The following WDR27 variants were observed in gnomAD, a reference collection of about 807,000 sequenced individuals.
The protein encoded by WDR27 is WD repeat-containing protein 27.
WDR27 carries 100 observed loss-of-function variants against 114.4 expected under a neutral mutation model. The observed-to-expected ratio is 0.87, with a 90% CI of 0.74 to 1.03. The LOEUF (loss-of-function observed/expected upper bound fraction) is 1.03. WDR27 is among the 50% of genes least tolerant of loss of function. The pLI, the probability that WDR27 is intolerant of heterozygous loss-of-function variation, is 0.00. For synonymous variants in WDR27, 449 were observed against 423.1 expected (o/e 1.06, Z -0.75); for missense variants, 1,129 against 1,092.9 (o/e 1.03, Z -0.47).
Position 169,501,887 on chromosome 6 carries a change from A to T in WDR27, c.2646-44253T>A, listed in dbSNP as rs570025705. On this transcript the variant is annotated intron_variant, in intron 25 of 25. Transcript: ENST00000448612. ...TTCGTCAATGAAGCAAGACCTCCCTACATGCTTAGGTCTGAATCCAGCTAT... is the reference window on the plus strand; with the variant it reads ...TTCGTCAATGAAGCAAGACCTCCCTTCATGCTTAGGTCTGAATCCAGCTAT... Among the ~76,000 whole-genome samples, 11 of 152,320 alleles carry T rather than the reference A, an allele frequency of 7.2e-5. No homozygotes were observed. In the East Asian group the frequency reaches 2.1e-3, roughly 29 times the overall value.
chr6:169,601,561 A>C (rs1258117839), intron 23 of WDR27, among the ~76,000 whole-genome samples: 1 of 152,238 alleles, frequency 6.6e-6, no homozygotes, highest in Non-Finnish European at 1.5e-5. Context: ...AGCGATGAGA[A>C]AATAATAATC....
At chr6:169,667,220 T>G in intron 5 of WDR27, 33 bp from the exon 6 acceptor site, 1 of 1,467,022 alleles carries the variant, frequency 6.8e-7, no homozygotes, top group Non-Finnish European at 9.0e-7. Context: ...TTAGAAGAGG[T>G]AACAACGTTG....
chr6:169,462,255 G>A (rs1784995271), intron 25 of WDR27, among the ~76,000 whole-genome samples: 1 of 152,072 alleles, frequency 6.6e-6, no homozygotes, highest in South Asian at 2.1e-4. Context: ...GACCAACCTG[G>A]CCAACATGGT....
chr6:169,583,007 A>C, intron 23 of WDR27, 73 bp from the exon 24 acceptor site: 2 of 1,324,068 alleles, frequency 1.5e-6, no homozygotes, highest in Non-Finnish European at 2.1e-6. Context: ...GGCAGAGCAG[A>C]GGGACCATCT....
intron 22 of WDR27, among the ~76,000 whole-genome samples, chr6:169,606,263 A>G (rs1809164842): frequency 6.6e-6 from 1 of 152,194 alleles, no homozygotes; most frequent in Admixed American, 6.5e-5. Context: ...AACAAAAAAT[A>G]CCACAAATAA....
intron 25 of WDR27, among the ~76,000 whole-genome samples, chr6:169,546,809 T>G (rs892460858): frequency 6.6e-6 from 1 of 152,162 alleles, no homozygotes; most frequent in African/African-American, 2.4e-5. Flanking sequence ...ATAACTGTAC[T>G]AGGGGCGCTG....
intron 7 of WDR27, chr6:169,664,542 G>C: frequency 7.4e-7 from 1 of 1,345,102 alleles, no homozygotes; most frequent in Non-Finnish European, 9.6e-7. Flanking sequence ...TACTGTGCAG[G>C]CCTCCCCAAG....
chr6:169,638,322 C>CAAA lies in WDR27; in HGVS notation c.1869+214_1869+216dup, dbSNP rs60501000. Among the ~76,000 whole-genome samples, 101 of 11,044 alleles carry CAAA rather than the reference C, an allele frequency of 9.1e-3. 14 individuals carry two copies. Among genetic ancestry groups the CAAA allele is most frequent in the South Asian group, 0.082 (17 of 208 alleles). 7.2% of individuals were successfully genotyped at this position (11,044 alleles called of 152,430 possible). A position where few individuals can be genotyped will look rare whatever the true frequency, so the allele number is the denominator to read the frequency against. On this transcript the variant is annotated intron_variant, in intron 18 of 25. Coordinates refer to ENST00000448612, the MANE Select transcript of WDR27 (RefSeq NM_182552.5). ...TGGGCGACAGAGCGAGACTCCGTCT[C>CAAA]AAAAAAAAAAAAAAAAAAAAAAAAA...
At chr6:169,576,860 C>T (rs1802437215) in intron 24 of WDR27, among the ~76,000 whole-genome samples, 1 of 151,532 alleles carries the variant, frequency 6.6e-6, no homozygotes, top group East Asian at 1.9e-4. Flanking sequence ...TCAAAATGTA[C>T]CAAGTACTTT....
downstream of WDR27, among the ~76,000 whole-genome samples, chr6:169,456,697 G>A (rs1313084033): frequency 6.6e-6 from 1 of 152,126 alleles, no homozygotes; most frequent in African/African-American, 2.4e-5. This position sits in a 1 kb window ranked among gnomAD's most constrained non-coding sequence, Gnocchi z 4.0. Flanking sequence ...CAGAGACAAA[G>A]GTCCTGGGAC....
At chr6:169,577,359 G>C (rs1584341827) in intron 24 of WDR27, among the ~76,000 whole-genome samples, 2 of 152,318 alleles carry the variant, frequency 1.3e-5, no homozygotes, top group African/African-American at 4.8e-5. Context: ...TCCACACCAC[G>C]GTCCGGGCAT....
At chr6:169,491,197 G>C (rs944247173) in intron 25 of WDR27, among the ~76,000 whole-genome samples, 3 of 152,080 alleles carry the variant, frequency 2.0e-5, no homozygotes, top group African/African-American at 7.2e-5. Flanking sequence ...ATCCAAGAAG[G>C]AGCTGACCAA....
chr6:169,441,216 G>A, the WDR27 span, among the ~76,000 whole-genome samples: 81 of 151,954 alleles, frequency 5.3e-4, no homozygotes, highest in African/African-American at 1.9e-3. Context: ...ACTCAAATGC[G>A]GTCTGGGTCC....
At chr6:169,624,395 G>A (rs1814245121) in intron 21 of WDR27, among the ~76,000 whole-genome samples, 3 of 152,146 alleles carry the variant, frequency 2.0e-5, no homozygotes, top group South Asian at 2.1e-4. Flanking sequence ...AAGGAGATTC[G>A]AAGCTCACCA....
intron 25 of WDR27, among the ~76,000 whole-genome samples, chr6:169,512,052 T>C (rs1026229031): frequency 1.3e-5 from 2 of 152,164 alleles, no homozygotes; most frequent in Non-Finnish European, 2.9e-5. Context: ...GTTCAAATAA[T>C]AGAACAAATA....
chr6:169,667,007 G>GT lies in WDR27; in HGVS notation c.712+128dup, dbSNP rs148939169. The GT allele has an allele frequency of 1.6e-3, 2,024 of 1,289,596 alleles. 36 individuals carry two copies. The African/African-American group carries it at 0.028, about 18-fold the overall frequency. 79.9% of individuals were successfully genotyped at this position (1,289,596 alleles called of 1,614,324 possible). A position where few individuals can be genotyped will look rare whatever the true frequency, so the allele number is the denominator to read the frequency against. ...CCTGTGTGGACGGGAGTGAAGGGCT[G>GT]TAAGTCTGAGATTGCCTCATTCAGA... On this transcript the variant is annotated intron_variant, in intron 6 of 25. Coordinates refer to ENST00000448612, the MANE Select transcript of WDR27 (RefSeq NM_182552.5).
intron 1 of WDR27, among the ~76,000 whole-genome samples, chr6:169,692,228 C>A (rs1448523482): frequency 2.6e-5 from 4 of 152,198 alleles, no homozygotes; most frequent in Non-Finnish European, 5.9e-5. Context: ...CAGCTCCAGT[C>A]CAGGGAAGCC....
intron 4 of WDR27, among the ~76,000 whole-genome samples, chr6:169,669,306 G>A (rs1778090869): frequency 6.6e-6 from 1 of 152,210 alleles, no homozygotes; most frequent in Non-Finnish European, 1.5e-5. Flanking sequence ...CTCCCCGAGT[G>A]AAGTGTCTTT....
At position 169,483,284 on chromosome 6, in the gene WDR27, A is replaced by G. The variant is rs9478026; in HGVS notation, c.2646-25650T>C. ...AAATTAGTAAGAGACTGCTAGCTAG[A>G]CTAATAAGAACAGAGAAGATCCAAA... On this transcript the variant is annotated intron_variant, in intron 25 of 25. Coordinates refer to ENST00000448612, the MANE Select transcript of WDR27 (RefSeq NM_182552.5). Among the ~76,000 whole-genome samples the G allele has an allele frequency of 9.8e-3, 1,500 of 152,348 alleles. 25 individuals carry two copies. Among genetic ancestry groups the G allele is most frequent in the African/African-American group, 0.033 (1,390 of 41,578 alleles).
Sources: gnomAD v4.1 joint callset for allele counts (sites outside exome capture counted in the v4.1 genomes callset) on GRCh38, gnomAD v4.1.1 for gene constraint, Gnocchi (gnomAD v3.1) non-coding constraint, MANE v1.5 for transcripts, NCBI Gene and HGNC (gene_info 2026-07-23, HGNC 2026-07-21) for gene names.